Variants in BCOR observed in about 807,000 individuals in gnomAD.
BCOR encodes BCL6 corepressor, also known as BCL-6 corepressor.
A neutral mutation model predicts 86.7 loss-of-function variants in BCOR; 10 were observed. The ratio of observed to expected loss-of-function variants is 0.12; its 90% CI spans 0.07 to 0.20. The LOEUF (loss-of-function observed/expected upper bound fraction) is 0.20, where lower values mean the gene tolerates loss of function less well. Ranked by LOEUF, BCOR falls within the 10% of genes least tolerant of loss-of-function variation. The probability of loss-of-function intolerance (pLI) is 1.00; values close to 1 mark genes in which losing one functional copy is unlikely to be tolerated. For missense variants in BCOR, 1,259 were observed against 1,452.1 expected (o/e 0.87, Z 2.16); for synonymous variants, 611 against 609.0 (o/e 1.00, Z -0.05).
intron 1 of BCOR, among the ~76,000 whole-genome samples, chrX:40,106,078 C>T (rs1937176089): frequency 1.8e-5 from 2 of 111,820 alleles, no homozygotes; most frequent in African/African-American, 6.5e-5. Flanking sequence ...CTGCGGGGCT[C>T]GGACTTTGCC....
chrX:40,162,552 G>A lies in BCOR; in HGVS notation c.-41+14455C>T, dbSNP rs565647561. Among the ~76,000 whole-genome samples the A allele has an allele frequency of 1.2e-4, 13 of 111,245 alleles. No homozygotes were observed. In the South Asian group the frequency reaches 3.0e-3, roughly 26 times the overall value. ...TCACCCAGGTGTATTACACTAATTC[G>A]GGGCTCCAATCTGCACTGAGGTCTA... On this transcript the variant is annotated intron_variant, in intron 1 of 14. Transcript: ENST00000342274.
intron 1 of BCOR, among the ~76,000 whole-genome samples, chrX:40,172,239 C>A (rs1938639979): frequency 8.9e-6 from 1 of 112,497 alleles, no homozygotes; most frequent in Non-Finnish European, 1.9e-5. Flanking sequence ...TTTACCGCCA[C>A]CCTCATCCAC....
intron 1 of BCOR, among the ~76,000 whole-genome samples, chrX:40,169,855 G>A (rs748201088): frequency 3.6e-5 from 4 of 111,502 alleles, no homozygotes; most frequent in African/African-American, 6.5e-5. Flanking sequence ...GGGCAATGAG[G>A]TGGAGACGGG....
chrX:40,097,739 TGA>T lies in BCOR; in HGVS notation c.-567_-566del, dbSNP rs1320870517. Among the ~76,000 whole-genome samples, 2 of 109,702 alleles carry T rather than the reference TGA, an allele frequency of 1.8e-5. No individual in the cohort carries two copies. The highest frequency in any genetic ancestry group is 7.6e-4 in the South Asian group (2 of 2,635). On this transcript the variant is annotated 5_prime_UTR_variant, in exon 1 of 15. Transcript: ENST00000378444. ...CGGGCTGGGTGTGTGTGAGTGTGTG[TGA>T]GTGTTGGCCAAGTCGTCCCTGCGCG...
intron 1 of BCOR, among the ~76,000 whole-genome samples, chrX:40,147,464 T>C (rs1463850301): frequency 8.9e-6 from 1 of 112,427 alleles, no homozygotes; most frequent in Admixed American, 9.3e-5. Flanking sequence ...CCGGGATGCG[T>C]CTGCCTAAGG....
In BCOR at chrX:40,051,707, G is replaced by GCTCC. The variant is rs773937185; in HGVS notation, c.*398_*401dup. The GCTCC allele has an allele frequency of 5.5e-6, 1 of 180,999 alleles. No homozygotes were observed. The highest frequency in any genetic ancestry group is 3.1e-4 in the South Asian group (1 of 3,272). The allele number at this position is 180,999 out of a possible 1,213,427, so 14.9% of individuals were successfully genotyped here. A position where few individuals can be genotyped will look rare whatever the true frequency, so the allele number is the denominator to read the frequency against. On this transcript the variant is annotated 3_prime_UTR_variant, in exon 15 of 15. Coordinates refer to ENST00000378444, the MANE Select transcript of BCOR (RefSeq NM_001123385.2). ...ATCACCAAGTGCCTTCCCCGAATTC[G>GCTCC]CTCCCTCAAACCAACCACACAGTTC...
chrX:40,120,683 G>C (rs771011721), intron 1 of BCOR, among the ~76,000 whole-genome samples: 33 of 111,823 alleles, frequency 3.0e-4, no homozygotes, highest in Non-Finnish European at 4.7e-4. Context: ...GCTGCTCCAG[G>C]CTCCCGACAC....
rs1446354975 is a variant in BCOR, at chrX:40,063,896, G to A, written c.3559C>T (p.His1187Tyr). ...TTCAGGTTGGTCAGCTCACTATAAT[G>A]TGGGTCTTCTAAGTGGTTAGAGGAA... ...NSSSNHLEDPHYSELTNLKVC... is the reference protein window; with the variant it reads ...NSSSNHLEDPYYSELTNLKVC... Residue 1187 changes from histidine to tyrosine, a missense_variant, in exon 8 of 15, where the codon CAT (histidine) becomes TAT (tyrosine). Physicochemically the swap from His to Tyr is moderately conservative, Grantham distance 83. Around this residue, in one of 7 missense-constraint regions of BCOR, gnomAD observed 305 missense variants for 286.1 expected, o/e 1.07. Transcript: ENST00000378444. The A allele has an allele frequency of 8.3e-7, 1 of 1,209,663 alleles. No individual in the cohort carries two copies. The highest frequency in any genetic ancestry group is 1.1e-6 in the Non-Finnish European group (1 of 894,866).
chrX:40,097,036 CAT>C (rs1395767112), intron 1 of BCOR, among the ~76,000 whole-genome samples, 177 bp downstream of exon 1: 1 of 113,052 alleles, frequency 8.8e-6, no homozygotes, highest in African/African-American at 3.2e-5. Context: ...TTTTAAATAA[CAT>C]AGCTATGAAA....
rs746936819 is a variant in BCOR, at chrX:40,154,964, GCA to G, written c.-41+22041_-41+22042del. Among the ~76,000 whole-genome samples the G allele has an allele frequency of 8.1e-5, 9 of 111,240 alleles. No homozygotes were observed. In the South Asian group the frequency reaches 1.1e-3, roughly 14 times the overall value. On this transcript the variant is annotated intron_variant, in intron 1 of 14. Coordinates refer to the BCOR transcript ENST00000342274. Reference sequence around the variant, plus strand: ...TCGGCCGGTAATCGTGGACACGCGCGCACACACACACACGCACGCGCGCGCGC... The same window carrying G: ...TCGGCCGGTAATCGTGGACACGCGCGCACACACACACGCACGCGCGCGCGC...
intron 1 of BCOR, among the ~76,000 whole-genome samples, chrX:40,115,094 T>C (rs751588348): frequency 9.0e-6 from 1 of 111,286 alleles, no homozygotes; most frequent in South Asian, 3.8e-4. Flanking sequence ...CCTTGTGATC[T>C]GCCCACCTCG....
In BCOR at chrX:40,052,066, G is replaced by C; in HGVS notation, c.*43C>G. 2 of 1,091,077 alleles carry C rather than the reference G, an allele frequency of 1.8e-6. No individual in the cohort carries two copies. 89.9% of individuals were successfully genotyped at this position (1,091,077 alleles called of 1,213,427 possible). A position where few individuals can be genotyped will look rare whatever the true frequency, so the allele number is the denominator to read the frequency against. Reference sequence around the variant, plus strand: ...GTTGTATTATGACACATATGCACAAGGATTAACACTATAACACACTGTACA... The same window carrying C: ...GTTGTATTATGACACATATGCACAACGATTAACACTATAACACACTGTACA... On this transcript the variant is annotated 3_prime_UTR_variant, in exon 15 of 15. Transcript: ENST00000378444.
At chrX:40,161,189 T>G (rs1169216756) in intron 1 of BCOR, among the ~76,000 whole-genome samples, 1 of 95,667 alleles carries the variant, frequency 1.0e-5, no homozygotes, top group Non-Finnish European at 2.1e-5. Context: ...TGTTTTTTTG[T>G]TTTTTGGGGT....
intron 1 of BCOR, among the ~76,000 whole-genome samples, chrX:40,168,064 G>C (rs1441156432): frequency 8.9e-6 from 1 of 112,624 alleles, no homozygotes; most frequent in Non-Finnish European, 1.9e-5. Flanking sequence ...CGGCGGCGGG[G>C]CTTTGTCATC....
At chrX:40,145,251 G>T (rs1938019383) in intron 1 of BCOR, among the ~76,000 whole-genome samples, 1 of 111,410 alleles carries the variant, frequency 9.0e-6, no homozygotes, top group Admixed American at 9.4e-5. Flanking sequence ...AACAGCTCCG[G>T]ACTGGGCCCA....
rs747129223 is a variant in BCOR, at chrX:40,134,147, G to A, written c.-41+42860C>T. ...GGGGCTGAGGCTCCCTCCCAGGGCA[G>A]AACAAGCAGGAGGGCATGAATGGGT... On this transcript the variant is annotated intron_variant, in intron 1 of 14. Transcript: ENST00000342274. Among the ~76,000 whole-genome samples the A allele has an allele frequency of 9.4e-5, 10 of 106,786 alleles. No individual in the cohort carries two copies. The East Asian group carries it at 3.0e-3, about 32-fold the overall frequency. The allele number at this position is 106,786 out of a possible 115,157, so 92.7% of individuals were successfully genotyped here.
At chrX:40,095,154 C>G (rs373142112) in intron 1 of BCOR, among the ~76,000 whole-genome samples, 1 of 111,703 alleles carries the variant, frequency 9.0e-6, no homozygotes, top group African/African-American at 3.3e-5. Context: ...CTTCCCCCCC[C>G]ACTCCGCTCT....
At chrX:40,076,367 A>C in intron 3 of BCOR, 87 bp downstream of exon 3, 4 of 725,259 alleles carry the variant, frequency 5.5e-6, no homozygotes, top group East Asian at 7.5e-5. Context: ...CCCATTCCCC[A>C]CCCTTTAAGG....
rs193148630 is a variant in BCOR at position 40,063,123 on chromosome X, A to C, written c.3848-52T>G. 7.4e-6 allele frequency: 7 copies of C among 945,455 alleles called. No individual in the cohort carries two copies. In the East Asian group the frequency reaches 1.7e-4, roughly 23 times the overall value. The allele number at this position is 945,455 out of a possible 1,213,427, so 77.9% of individuals were successfully genotyped here. A position where few individuals can be genotyped will look rare whatever the true frequency, so the allele number is the denominator to read the frequency against. On this transcript the variant is annotated intron_variant, in intron 8 of 14. Coordinates refer to ENST00000378444, the MANE Select transcript of BCOR (RefSeq NM_001123385.2). ...GCGGGCGGATGGGAGACGGGAGAAG[A>C]AGCGGGCGTTACACAGTTGTAGCCA...
Sources: gnomAD v4.1 joint callset for allele counts (sites outside exome capture counted in the v4.1 genomes callset) on GRCh38, gnomAD v4.1.1 for gene constraint, gnomAD v4.1.1 regional missense constraint, MANE v1.5 for transcripts, NCBI Gene and HGNC (gene_info 2026-07-23, HGNC 2026-07-21) for gene names.